The following PDE8B variants were observed in gnomAD, a reference collection of about 807,000 sequenced individuals.
PDE8B encodes phosphodiesterase 8B, also known as high affinity cAMP-specific and IBMX-insensitive 3',5'-cyclic phosphodiesterase 8B.
In PDE8B, 26 loss-of-function variants were observed where a neutral mutation model predicts 101.3. That is an observed-to-expected ratio of 0.26 (90% CI 0.19 to 0.36). The LOEUF (loss-of-function observed/expected upper bound fraction) is 0.36. Ranked by LOEUF, PDE8B falls within the 10% of genes least tolerant of loss-of-function variation. The pLI is 1.00. For missense variants in PDE8B, 810 were observed against 1,163.1 expected (o/e 0.70, Z 4.42); for synonymous variants, 424 against 429.3 (o/e 0.99, Z 0.15).
the PDE8B span, among the ~76,000 whole-genome samples, chr5:77,128,856 TGGTTGTACGG>T: frequency 6.6e-6 from 1 of 152,240 alleles, no homozygotes; most frequent in African/African-American, 2.4e-5. Flanking sequence ...TTTGTCTGTG[TGGTTGTACGG>T]GGTTTGGTTT....
At chr5:77,425,263 A>G (rs1797789242) in intron 20 of PDE8B, among the ~76,000 whole-genome samples, 1 of 152,226 alleles carries the variant, frequency 6.6e-6, no homozygotes, top group Non-Finnish European at 1.5e-5. Context: ...ATGGTATCAC[A>G]TAGAAAGAGG....
At chr5:77,342,531 A>G (rs1366862286) in intron 6 of PDE8B, among the ~76,000 whole-genome samples, 1 of 152,094 alleles carries the variant, frequency 6.6e-6, no homozygotes, top group Non-Finnish European at 1.5e-5. Context: ...TTTTTAAAGA[A>G]AAAACATCAA....
the PDE8B span, among the ~76,000 whole-genome samples, chr5:77,097,968 G>A: frequency 6.6e-6 from 1 of 151,152 alleles, no homozygotes. Flanking sequence ...GTAGCTACAG[G>A]TAGCTTCTAT....
intron 1 of PDE8B, among the ~76,000 whole-genome samples, chr5:77,251,258 A>AT (rs1483634825): frequency 6.6e-6 from 1 of 151,934 alleles, no homozygotes; most frequent in Non-Finnish European, 1.5e-5. Context: ...GGTCATCTGT[A>AT]TTTTTTTCTC....
intron 1 of PDE8B, among the ~76,000 whole-genome samples, chr5:77,248,088 G>A (rs1304889429): frequency 6.6e-6 from 1 of 152,236 alleles, no homozygotes; most frequent in Non-Finnish European, 1.5e-5. Context: ...GTGCAGAGAA[G>A]TGAAGTGATT....
At chr5:77,168,436 C>T in the PDE8B span, among the ~76,000 whole-genome samples, 2 of 152,228 alleles carry the variant, frequency 1.3e-5, no homozygotes, top group Non-Finnish European at 2.9e-5. Context: ...GAGCGTGGTT[C>T]CAGCTCCCTG....
chr5:77,086,755 G>A, the PDE8B span: 2 of 152,230 alleles, frequency 1.3e-5, no homozygotes, highest in Non-Finnish European at 1.5e-5. Flanking sequence ...ACCCACTGCA[G>A]GGCGTCCAGT....
intron 1 of PDE8B, among the ~76,000 whole-genome samples, chr5:77,304,072 A>G (rs1770604563): frequency 6.6e-6 from 1 of 152,190 alleles, no homozygotes; most frequent in Non-Finnish European, 1.5e-5. Flanking sequence ...GAATTGTCAG[A>G]TATATACTTC....
intron 1 of PDE8B, among the ~76,000 whole-genome samples, chr5:77,301,111 A>T (rs1293775477): frequency 6.6e-6 from 1 of 152,156 alleles, no homozygotes; most frequent in Non-Finnish European, 1.5e-5. Flanking sequence ...GAGTCGGGAA[A>T]GTGAGTGTGG....
chr5:77,251,635 C>T (rs1758079985), intron 1 of PDE8B, among the ~76,000 whole-genome samples: 1 of 152,166 alleles, frequency 6.6e-6, no homozygotes, highest in Non-Finnish European at 1.5e-5. Context: ...CCCCCTTCTC[C>T]CTCTTGAACT....
At chr5:77,243,143 T>C (rs1173191956) in intron 1 of PDE8B, among the ~76,000 whole-genome samples, 5 of 152,230 alleles carry the variant, frequency 3.3e-5, no homozygotes, top group African/African-American at 1.2e-4. Flanking sequence ...TGGTGAATTT[T>C]ATAAATATAA....
chr5:77,264,226 G>A (rs1761215203), intron 1 of PDE8B, among the ~76,000 whole-genome samples: 1 of 152,184 alleles, frequency 6.6e-6, no homozygotes, highest in Non-Finnish European at 1.5e-5. Context: ...ATGTTAATAT[G>A]AACAATCATG....
intron 1 of PDE8B, chr5:77,290,131 A>G: frequency 1.4e-5 from 15 of 1,107,546 alleles, no homozygotes; most frequent in Non-Finnish European, 2.0e-5. Context: ...TATTACCCCT[A>G]GTTCCACGTG....
At chr5:77,312,188 C>A (rs1373565742) in intron 2 of PDE8B, 135 bp downstream of exon 2, 4 of 686,938 alleles carry the variant, frequency 5.8e-6, no homozygotes, top group African/African-American at 1.9e-5. Context: ...ACTGCAACCT[C>A]TGCCTCCTGG....
chr5:77,123,518 G>A, the PDE8B span, among the ~76,000 whole-genome samples: 5 of 152,288 alleles, frequency 3.3e-5, no homozygotes, highest in Admixed American at 1.3e-4. Flanking sequence ...AGCACTTTGG[G>A]AGGCTGAGGT....
At chr5:77,155,162 TTCTC>T in the PDE8B span, among the ~76,000 whole-genome samples, 1 of 152,170 alleles carries the variant, frequency 6.6e-6, no homozygotes, top group Non-Finnish European at 1.5e-5. Flanking sequence ...TTTTTCTCTC[TTCTC>T]TCTATGTCTG....
the PDE8B span, among the ~76,000 whole-genome samples, chr5:77,170,875 T>C: frequency 3.9e-5 from 6 of 152,226 alleles, no homozygotes; most frequent in Non-Finnish European, 8.8e-5. Flanking sequence ...ATTCATTTAG[T>C]CAGTCAACAA....
upstream of PDE8B, among the ~76,000 whole-genome samples, chr5:77,206,651 C>T (rs1747527134): frequency 6.6e-6 from 1 of 152,038 alleles, no homozygotes; most frequent in Admixed American, 6.6e-5. Flanking sequence ...GGATCCACGT[C>T]GGGTAGGGTC....
chr5:77,383,743 C>A (rs1787990705), intron 10 of PDE8B, among the ~76,000 whole-genome samples: 1 of 152,082 alleles, frequency 6.6e-6, no homozygotes, highest in Non-Finnish European at 1.5e-5. Flanking sequence ...AGGAAATCTT[C>A]TCCCCATTGC....
Sources: gnomAD v4.1 joint callset for allele counts (sites outside exome capture counted in the v4.1 genomes callset) on GRCh38, gnomAD v4.1.1 for gene constraint, MANE v1.5 for transcripts, NCBI Gene and HGNC (gene_info 2026-07-23, HGNC 2026-07-21) for gene names.